The following BABAM2 variants were observed in gnomAD, a reference collection of about 807,000 sequenced individuals.
BABAM2 encodes BRISC and BRCA1-A complex member 2.
In BABAM2, 31 loss-of-function variants were observed where a neutral mutation model predicts 54.7. The ratio of observed to expected loss-of-function variants is 0.57; its 90% CI spans 0.43 to 0.77. The LOEUF is 0.77. Ranked by LOEUF, BABAM2 falls within the 30% of genes least tolerant of loss-of-function variation. BABAM2 has a pLI of 0.00. For synonymous variants in BABAM2, 167 were observed against 162.9 expected (o/e 1.03, Z -0.19); for missense variants, 364 against 455.8 (o/e 0.80, Z 1.83).
chr2:28,037,431 A>G (rs56183353), intron 5 of BABAM2, among the ~76,000 whole-genome samples: 12,809 of 152,146 alleles, frequency 0.084, 947 homozygotes, highest in African/African-American at 0.2. Context: ...ATTACATTGT[A>G]TAATTGAATT....
chr2:27,920,744 C>A (rs1057163504), intron 2 of BABAM2, among the ~76,000 whole-genome samples: 1 of 152,138 alleles, frequency 6.6e-6, no homozygotes, highest in Non-Finnish European at 1.5e-5. Flanking sequence ...AGGAAACTGA[C>A]GTAGACTCAG....
chr2:28,025,183 A>G (rs952464720), intron 4 of BABAM2, 43 bp from the exon 5 acceptor site: 2 of 1,507,894 alleles, frequency 1.3e-6, no homozygotes, highest in Non-Finnish European at 1.8e-6. Context: ...TTTGTATGAA[A>G]TTTCAGTTTT....
At chr2:28,188,691 G>A (rs1676580438) in intron 7 of BABAM2, among the ~76,000 whole-genome samples, 1 of 152,140 alleles carries the variant, frequency 6.6e-6, no homozygotes, top group East Asian at 1.9e-4. Context: ...AGATACACGG[G>A]GGATGGTTTC....
At chr2:28,235,848 C>T (rs1374131140) in intron 7 of BABAM2, among the ~76,000 whole-genome samples, 3 of 151,530 alleles carry the variant, frequency 2.0e-5, no homozygotes, top group Non-Finnish European at 2.9e-5. Flanking sequence ...TTTGTAGAGA[C>T]GAAGTCTTCC....
intron 7 of BABAM2, among the ~76,000 whole-genome samples, chr2:28,168,710 G>T (rs975087062): frequency 2.6e-5 from 4 of 152,152 alleles, no homozygotes; most frequent in Non-Finnish European, 4.4e-5. Context: ...ATTTTAAATG[G>T]ATTTGAAGGC....
chr2:28,334,988 G>A (rs927489006), intron 11 of BABAM2, among the ~76,000 whole-genome samples: 7 of 152,148 alleles, frequency 4.6e-5, no homozygotes, highest in Admixed American at 1.3e-4. Flanking sequence ...AGAAGGTGGC[G>A]GTTTGGCTGG....
intron 3 of BABAM2, among the ~76,000 whole-genome samples, chr2:27,957,994 A>G (rs1023421518): frequency 1.3e-5 from 2 of 152,152 alleles, no homozygotes; most frequent in African/African-American, 2.4e-5. Flanking sequence ...TGCAGTTGTC[A>G]GTTTTTATCT....
intron 5 of BABAM2, among the ~76,000 whole-genome samples, chr2:28,032,257 A>G (rs903004986): frequency 6.6e-6 from 1 of 152,198 alleles, no homozygotes. Context: ...TCTTAAAAAC[A>G]TTCCTGCTCT....
chr2:28,300,370 C>T (rs1013872814), intron 11 of BABAM2, among the ~76,000 whole-genome samples: 16 of 152,076 alleles, frequency 1.1e-4, no homozygotes, highest in African/African-American at 3.1e-4. Context: ...TCTTTTTATC[C>T]GTGACACCCA....
At chr2:28,067,939 A>G (rs186375541) in intron 6 of BABAM2, among the ~76,000 whole-genome samples, 7 of 152,348 alleles carry the variant, frequency 4.6e-5, no homozygotes, top group Admixed American at 3.3e-4. Flanking sequence ...TTTTTTAAAA[A>G]AATTTCTTTT....
At chr2:28,302,527 G>C (rs1190894417) in intron 11 of BABAM2, among the ~76,000 whole-genome samples, 1 of 152,048 alleles carries the variant, frequency 6.6e-6, no homozygotes, top group African/African-American at 2.4e-5. Context: ...AGATACTTGT[G>C]TTGTTTCCAG....
chr2:27,978,332 A>G (rs1184015332), intron 3 of BABAM2, among the ~76,000 whole-genome samples: 14 of 152,172 alleles, frequency 9.2e-5, no homozygotes, highest in Admixed American at 9.2e-4. Context: ...TCTTTGCCAG[A>G]AGCAGATGCT....
At chr2:27,911,973 A>G (rs946655478) in intron 2 of BABAM2, among the ~76,000 whole-genome samples, 1 of 152,146 alleles carries the variant, frequency 6.6e-6, no homozygotes, top group Non-Finnish European at 1.5e-5. Flanking sequence ...CTAACCCCCA[A>G]GCTTTTAGCC....
chr2:27,935,209 A>G (rs1668404790), intron 3 of BABAM2, among the ~76,000 whole-genome samples: 1 of 152,230 alleles, frequency 6.6e-6, no homozygotes, highest in African/African-American at 2.4e-5. Flanking sequence ...GGCCCATAAG[A>G]ATTATGCTAA....
At position 27,919,380 on chromosome 2, in the gene BABAM2, A is replaced by G. The variant is rs573724257; in HGVS notation, c.129-10452A>G. The stretch of plus-strand genomic sequence containing the variant: ...CCATCCTGGCTAAGACCTCCAGTAC[A>G]ATGTTGAATTAAAGTGATGAGAGTT... On this transcript the variant is annotated intron_variant, in intron 2 of 11. Coordinates refer to ENST00000379624, the MANE Select transcript of BABAM2 (RefSeq NM_199191.3). Among the ~76,000 whole-genome samples the G allele has an allele frequency of 2.6e-5, 4 of 152,324 alleles. No individual in the cohort carries two copies. The South Asian group carries it at 6.2e-4, about 24-fold the overall frequency.
chr2:28,251,524 G>C (rs1033959045), intron 10 of BABAM2, among the ~76,000 whole-genome samples: 4 of 152,144 alleles, frequency 2.6e-5, no homozygotes, highest in African/African-American at 7.2e-5. Flanking sequence ...CAAAGCTGTC[G>C]TAGTAGCAGC....
chr2:27,988,218 T>C, intron 4 of BABAM2, 131 bp downstream of exon 4: 1 of 798,866 alleles, frequency 1.3e-6, no homozygotes, highest in Non-Finnish European at 2.1e-6. Flanking sequence ...TTCTCTGTCC[T>C]GTGAAATAGA....
At chr2:28,168,054 A>G (rs988174034) in intron 7 of BABAM2, among the ~76,000 whole-genome samples, 3 of 152,154 alleles carry the variant, frequency 2.0e-5, no homozygotes, top group Admixed American at 6.5e-5. Flanking sequence ...TAATACCTGG[A>G]AAGACTTTCT....
intron 3 of BABAM2, among the ~76,000 whole-genome samples, chr2:27,959,783 C>A (rs553160065): frequency 6.6e-6 from 1 of 152,122 alleles, no homozygotes; most frequent in African/African-American, 2.4e-5. Flanking sequence ...AAAAAATTGC[C>A]ATTTTGATGC....
Sources: allele counts gnomAD v4.1 joint callset (sites outside exome capture counted in the v4.1 genomes callset), GRCh38; gene constraint gnomAD v4.1.1; transcripts MANE v1.5; gene names NCBI Gene and HGNC (gene_info 2026-07-23, HGNC 2026-07-21).